PEAK1: variants seen among roughly 807,000 people sequenced by gnomAD.
The protein encoded by PEAK1 is inactive tyrosine-protein kinase PEAK1.
PEAK1 carries 54 observed loss-of-function variants against 124.7 expected under a neutral mutation model. The observed-to-expected ratio is 0.43, with a 90% CI of 0.35 to 0.54. PEAK1 has a LOEUF of 0.54. PEAK1 is among the 20% of genes least tolerant of loss of function. PEAK1 has a pLI of 0.01. For synonymous variants in PEAK1, 719 were observed against 760.0 expected (o/e 0.95, Z 0.89); for missense variants, 2,046 against 2,134.5 (o/e 0.96, Z 0.82).
chr15:77,347,086 G>A, intron 2 of PEAK1: 10 of 446,444 alleles, frequency 2.2e-5, no homozygotes, highest in Non-Finnish European at 3.0e-5. Flanking sequence ...CCTTGCAGAG[G>A]GACAAGGAGT....
chr15:77,101,245 G>A (rs1455315347), exon 7 of PEAK1: 3 of 152,190 alleles, frequency 2.0e-5, no homozygotes, highest in African/African-American at 4.8e-5. Flanking sequence ...CCATCGGCAG[G>A]TAGGAGGTGT....
intron 1 of PEAK1, among the ~76,000 whole-genome samples, chr15:77,374,105 A>G (rs891242146): frequency 6.6e-6 from 1 of 152,258 alleles, no homozygotes; most frequent in Admixed American, 6.5e-5. Flanking sequence ...TCTATAAAGT[A>G]AGTCTCCATA....
Position 77,180,250 on chromosome 15 carries a change from A to G in PEAK1, c.1677T>C (p.Val559=). ...ATTTGTGACAGTTTTTCCTTGGAGGAACATTTGGTCCAGTTCCACTAGTAA... is the reference window on the plus strand; with the variant it reads ...ATTTGTGACAGTTTTTCCTTGGAGGGACATTTGGTCCAGTTCCACTAGTAA... The part of the protein sequence containing the change: ...ELITSGTGPN[V]PPRKNCHKSA... Residue 559 remains valine (V), a synonymous_variant, in exon 7 of 10, where the codon GTT becomes GTC. Coordinates refer to ENST00000682557, the MANE Select transcript of PEAK1 (RefSeq NM_001385026.1). 1 of 1,614,062 alleles carries G rather than the reference A, an allele frequency of 6.2e-7. No individual in the cohort carries two copies. Among genetic ancestry groups the G allele is most frequent in the Middle Eastern group, 1.6e-4 (1 of 6,062 alleles).
chr15:77,180,337 T>C lies in PEAK1; in HGVS notation c.1590A>G (p.Arg530=). 1.2e-6 allele frequency: 2 copies of C among 1,614,180 alleles called. No individual in the cohort carries two copies. Among genetic ancestry groups the C allele is most frequent in the Non-Finnish European group, 1.7e-6 (2 of 1,180,006 alleles). ...SAHFQKSSAI[R]YQEVWTSSTS... ...TGCTAGAAGTCCATACTTCTTGGTA[T>C]CGAATTGCACTGGATTTTTGGAAAT... The change falls in exon 7 of 10, where the codon CGA becomes CGG. Residue 530 remains arginine (R), a synonymous_variant. Coordinates refer to ENST00000682557, the MANE Select transcript of PEAK1 (RefSeq NM_001385026.1).
intron 8 of PEAK1, among the ~76,000 whole-genome samples, chr15:77,140,208 A>G (rs972587384): frequency 6.6e-6 from 1 of 152,188 alleles, no homozygotes; most frequent in Non-Finnish European, 1.5e-5. Context: ...TTTCCAAAAA[A>G]TAGAACAGGA....
Position 77,133,600 on chromosome 15 carries a change from A to C in PEAK1, c.3482T>G (p.Ile1161Arg), listed in dbSNP as rs75014098. ...GGAGATTGGCTCTGTATTGGCTCTTATGATCATCTTCTTTGGCAGTGGGGG... is the reference window on the plus strand; with the variant it reads ...GGAGATTGGCTCTGTATTGGCTCTTCTGATCATCTTCTTTGGCAGTGGGGG... ...TPPPLPKKMI[I>R]RANTEPISKD... The change falls in exon 9 of 10, where the codon ATA becomes AGA. Residue 1161 changes from isoleucine (I) to arginine (R), a missense_variant. Physicochemically the swap from Ile to Arg is moderately conservative, Grantham distance 97. Transcript: ENST00000682557. This position sits in a 1 kb window ranked among gnomAD's most constrained non-coding sequence, Gnocchi z 4.2. The C allele has an allele frequency of 2.5e-6, 4 of 1,613,972 alleles. No homozygotes were observed. The highest frequency in any genetic ancestry group is 3.4e-6 in the Non-Finnish European group (4 of 1,180,022).
chr15:77,301,929 T>C lies in PEAK1; in HGVS notation c.-602-15425A>G, dbSNP rs1255537386. 2.0e-5 allele frequency among the ~76,000 whole-genome samples: 3 copies of C among 152,344 alleles called. No homozygotes were observed. The East Asian group carries it at 5.8e-4, about 29-fold the overall frequency. ...GATTCGTAGATATTTACTTTATACA[T>C]TGGATTATGATCCAACAATACTTTT... On this transcript the variant is annotated intron_variant, in intron 2 of 9. Transcript: ENST00000682557.
chr15:77,313,708 A>ATG (rs1216011901), intron 2 of PEAK1, among the ~76,000 whole-genome samples: 2,303 of 93,712 alleles, frequency 0.025, 51 homozygotes, highest in African/African-American at 0.029. Flanking sequence ...ATATATATGT[A>ATG]TGTGTGTGTG....
intron 2 of PEAK1, chr15:77,332,348 C>G (rs1597331729): frequency 1.1e-6 from 1 of 870,450 alleles, no homozygotes; most frequent in East Asian, 1.2e-4. Context: ...ACCTGTAATC[C>G]TAGCACTTTG....
At chr15:77,349,559 A>C (rs776487011) in intron 2 of PEAK1, 16 of 984,460 alleles carry the variant, frequency 1.6e-5, no homozygotes, top group Middle Eastern at 5.2e-4. Flanking sequence ...GATTATTTAA[A>C]CCAGATAGGT....
chr15:77,224,422 T>G (rs1389411104), intron 6 of PEAK1, among the ~76,000 whole-genome samples: 2 of 152,076 alleles, frequency 1.3e-5, no homozygotes, highest in Non-Finnish European at 2.9e-5. Context: ...CCTTTCTTTC[T>G]GTGCTTTCTT....
At position 77,373,688 on chromosome 15, in the gene PEAK1, T is replaced by G. The variant is rs113141379; in HGVS notation, c.-665-8463A>C. Among the ~76,000 whole-genome samples the G allele has an allele frequency of 3.0e-3, 450 of 152,336 alleles. 1 individual carries two copies. Among genetic ancestry groups the G allele is most frequent in the Non-Finnish European group, 5.4e-3 (364 of 68,026 alleles). Reference sequence around the variant, plus strand: ...AGATCGTGATCCAGTGCTACAGCCATCTTAACTGGTTGGTCCCTATTTTGT... The same window carrying G: ...AGATCGTGATCCAGTGCTACAGCCAGCTTAACTGGTTGGTCCCTATTTTGT... On this transcript the variant is annotated intron_variant, in intron 1 of 9. Coordinates refer to ENST00000682557, the MANE Select transcript of PEAK1 (RefSeq NM_001385026.1).
chr15:77,395,105 C>T (rs1451903746), intron 1 of PEAK1, among the ~76,000 whole-genome samples: 2 of 152,118 alleles, frequency 1.3e-5, no homozygotes, highest in African/African-American at 4.8e-5. Flanking sequence ...ATAAATTTAA[C>T]TAACAGACTA....
rs1208630366 is a variant in PEAK1, at chr15:77,249,865, CAG to C, written c.-115+2500_-115+2501del. Among the ~76,000 whole-genome samples the C allele has an allele frequency of 2.0e-5, 3 of 152,096 alleles. No individual in the cohort carries two copies. The East Asian group carries it at 5.8e-4, about 29-fold the overall frequency. On this transcript the variant is annotated intron_variant, in intron 6 of 9. Coordinates refer to ENST00000682557, the MANE Select transcript of PEAK1 (RefSeq NM_001385026.1). Reference sequence around the variant, plus strand: ...TAAATAGGTACACTTAAATCAATAACAGAGAGACAGGGAAATCTGATCACTTT... The same window carrying C: ...TAAATAGGTACACTTAAATCAATAACAGAGACAGGGAAATCTGATCACTTT...
At position 77,179,223 on chromosome 15, in the gene PEAK1, A is replaced by C; in HGVS notation, c.2704T>G (p.Ser902Ala). 2 of 1,614,116 alleles carry C rather than the reference A, an allele frequency of 1.2e-6. No homozygotes were observed. Among genetic ancestry groups the C allele is most frequent in the Non-Finnish European group, 1.7e-6 (2 of 1,180,018 alleles). ...NWTKPTSPTR[S>A]TEAESVLHSE... ...TGCAAAACTGATTCAGCTTCTGTTG[A>C]CCTGGTAGGGCTGGTTGGCTTGGTC... Residue 902 changes from serine (S) to alanine (A), a missense_variant, in exon 7 of 10, where the codon TCA (serine) becomes GCA (alanine). By Grantham distance (99) the Ser-to-Ala change is moderately conservative. Coordinates refer to ENST00000682557, the MANE Select transcript of PEAK1 (RefSeq NM_001385026.1).
intron 7 of PEAK1, among the ~76,000 whole-genome samples, chr15:77,176,871 T>C (rs1256005514): frequency 6.6e-6 from 1 of 152,220 alleles, no homozygotes; most frequent in Non-Finnish European, 1.5e-5. Flanking sequence ...AATGACACCA[T>C]GTAAGAACTG....
chr15:77,201,830 G>A (rs1473027336), intron 6 of PEAK1, among the ~76,000 whole-genome samples: 1 of 152,088 alleles, frequency 6.6e-6, no homozygotes, highest in African/African-American at 2.4e-5. Context: ...CTAGCACCTT[G>A]GAATACAGCC....
chr15:77,186,723 C>A (rs555994173), intron 6 of PEAK1, among the ~76,000 whole-genome samples: 1 of 152,236 alleles, frequency 6.6e-6, no homozygotes, highest in South Asian at 2.1e-4. Flanking sequence ...ACCTTAACCA[C>A]GAGGGCTTCA....
intron 1 of PEAK1, chr15:77,402,775 T>C: frequency 1.0e-6 from 1 of 985,410 alleles, no homozygotes. Flanking sequence ...CACATGCCAT[T>C]TTATATGAAT....
Sources: allele counts gnomAD v4.1 joint callset (sites outside exome capture counted in the v4.1 genomes callset), GRCh38; gene constraint gnomAD v4.1.1; non-coding constraint Gnocchi (gnomAD v3.1); transcripts MANE v1.5; gene names NCBI Gene and HGNC (gene_info 2026-07-23, HGNC 2026-07-21).